Variants in TOX observed in about 807,000 individuals in gnomAD.
TOX encodes thymocyte selection associated high mobility group box.
Under a neutral mutation model 53.7 loss-of-function variants are expected in TOX, and 11 were observed. That is an observed-to-expected ratio of 0.20 (90% CI 0.13 to 0.34). The LOEUF is 0.34. Ranked by LOEUF, TOX falls within the 10% of genes least tolerant of loss-of-function variation. TOX has a pLI of 1.00. For synonymous variants in TOX, 225 were observed against 245.3 expected (o/e 0.92, Z 0.77); for missense variants, 570 against 664.6 (o/e 0.86, Z 1.56).
intron 6 of TOX, among the ~76,000 whole-genome samples, chr8:58,826,489 G>A (rs1810369267): frequency 6.6e-6 from 1 of 152,142 alleles, no homozygotes; most frequent in African/African-American, 2.4e-5. Flanking sequence ...CCTCAGTAAA[G>A]GCCAATGGCA....
At chr8:58,960,757 C>A (rs1488565025) in intron 1 of TOX, among the ~76,000 whole-genome samples, 1 of 152,194 alleles carries the variant, frequency 6.6e-6, no homozygotes, top group Non-Finnish European at 1.5e-5. Flanking sequence ...GTTCAAGCAA[C>A]AACAACAATA....
intron 5 of TOX, 36 bp from the exon 6 acceptor site, chr8:58,826,938 G>A (rs1287702651): frequency 6.3e-7 from 1 of 1,586,498 alleles, no homozygotes; most frequent in Non-Finnish European, 8.6e-7. Flanking sequence ...ATTAGAAAGT[G>A]CATTTGCTTT....
intron 1 of TOX, among the ~76,000 whole-genome samples, chr8:59,029,977 C>A (rs761232571): frequency 3.2e-4 from 48 of 152,104 alleles, no homozygotes; most frequent in Admixed American, 4.6e-4. Context: ...CTTCTGATTG[C>A]AGGAAAATGG....
chr8:59,084,340 A>G (rs1333695736), intron 1 of TOX, among the ~76,000 whole-genome samples: 2 of 152,146 alleles, frequency 1.3e-5, no homozygotes, highest in Non-Finnish European at 2.9e-5. Context: ...TTTTAGAAAA[A>G]TAAGGGAATG....
chr8:59,062,950 G>A (rs562602345), intron 1 of TOX, among the ~76,000 whole-genome samples: 2 of 152,064 alleles, frequency 1.3e-5, no homozygotes, highest in African/African-American at 4.8e-5. Flanking sequence ...TTAACAAGGA[G>A]GTAAAACTGT....
At chr8:59,002,578 A>G (rs564820399) in intron 1 of TOX, among the ~76,000 whole-genome samples, 40 of 150,260 alleles carry the variant, frequency 2.7e-4, no homozygotes, top group African/African-American at 7.5e-4. Context: ...GCAACACAGC[A>G]AGACTCCGTC....
At chr8:58,853,770 C>G (rs1426792042) in intron 3 of TOX, among the ~76,000 whole-genome samples, 1 of 152,156 alleles carries the variant, frequency 6.6e-6, no homozygotes, top group Non-Finnish European at 1.5e-5. Flanking sequence ...TGGTTGTTGC[C>G]TCTTCTTAGA....
chr8:59,033,033 C>CAAAAAAAAA (rs34575165), intron 1 of TOX, among the ~76,000 whole-genome samples: 1 of 104,740 alleles, frequency 9.5e-6, no homozygotes. Flanking sequence ...AACTCCAACT[C>CAAAAAAAAA]AAAAAAAAAA....
intron 1 of TOX, among the ~76,000 whole-genome samples, chr8:59,052,412 C>A (rs559513202): frequency 3.9e-5 from 6 of 152,078 alleles, no homozygotes; most frequent in Non-Finnish European, 7.4e-5. Context: ...GGAAATAAAT[C>A]ATATTATTTA....
At chr8:58,875,156 G>A (rs967373735) in intron 3 of TOX, among the ~76,000 whole-genome samples, 8 of 152,192 alleles carry the variant, frequency 5.3e-5, no homozygotes, top group Non-Finnish European at 8.8e-5. Flanking sequence ...CTCTCTGGTG[G>A]TGACATTTGT....
chr8:59,111,621 T>C (rs1264381827), intron 1 of TOX, among the ~76,000 whole-genome samples: 8 of 152,010 alleles, frequency 5.3e-5, no homozygotes, highest in Non-Finnish European at 1.0e-4. Context: ...CACACACCAA[T>C]GTTTCTAGCT....
In TOX at chr8:59,111,980, T is replaced by C. The variant is rs552715593; in HGVS notation, c.102+6906A>G. Reference sequence around the variant, plus strand: ...TTCATGACCTTTGATATTATAAATATATATCAGTGATGATTTTTTCATGAG... The same window carrying C: ...TTCATGACCTTTGATATTATAAATACATATCAGTGATGATTTTTTCATGAG... On this transcript the variant is annotated intron_variant, in intron 1 of 8. Transcript: ENST00000361421. Among the ~76,000 whole-genome samples the C allele has an allele frequency of 2.2e-4, 33 of 152,326 alleles. No homozygotes were observed. In the South Asian group the frequency reaches 6.8e-3, roughly 32 times the overall value.
intron 5 of TOX, among the ~76,000 whole-genome samples, chr8:58,834,192 T>A (rs1478329694): frequency 6.6e-6 from 1 of 152,202 alleles, no homozygotes; most frequent in Non-Finnish European, 1.5e-5. Flanking sequence ...CCCCAATAAG[T>A]CATCAATAAT....
chr8:58,955,977 C>T (rs62508379), intron 2 of TOX, among the ~76,000 whole-genome samples: 92,563 of 151,822 alleles, frequency 0.61, 30,009 homozygotes, highest in Non-Finnish European at 0.71. Context: ...TCAGGTGATC[C>T]GCCCACTTCG....
intron 3 of TOX, among the ~76,000 whole-genome samples, chr8:58,930,332 C>T (rs965588618): frequency 1.5e-4 from 23 of 152,182 alleles, no homozygotes; most frequent in Admixed American, 1.5e-3. Flanking sequence ...ATGGGCTGTA[C>T]ACTTATATAG....
chr8:58,837,865 A>G (rs1186513116), intron 5 of TOX, among the ~76,000 whole-genome samples: 2 of 152,238 alleles, frequency 1.3e-5, no homozygotes, highest in African/African-American at 4.8e-5. Flanking sequence ...TAAACTATAT[A>G]AACTTTGAAA....
chr8:59,063,037 A>G (rs1356587932), intron 1 of TOX, among the ~76,000 whole-genome samples: 4 of 152,200 alleles, frequency 2.6e-5, no homozygotes, highest in Non-Finnish European at 5.9e-5. Flanking sequence ...TTCAGTAAAA[A>G]TAAGCTTGCA....
intron 1 of TOX, among the ~76,000 whole-genome samples, chr8:59,060,072 AT>A (rs1803954090): frequency 6.6e-6 from 1 of 152,210 alleles, no homozygotes; most frequent in African/African-American, 2.4e-5. Context: ...CTTTGACAAA[AT>A]TCTAAAATTG....
chr8:59,003,524 G>A (rs1410130662), intron 1 of TOX, among the ~76,000 whole-genome samples: 2 of 152,164 alleles, frequency 1.3e-5, no homozygotes, highest in Admixed American at 6.5e-5. Flanking sequence ...TACAACACAA[G>A]ACTTTTTTTC....
Sources: gnomAD v4.1 joint callset for allele counts (sites outside exome capture counted in the v4.1 genomes callset) on GRCh38, gnomAD v4.1.1 for gene constraint, MANE v1.5 for transcripts, NCBI Gene and HGNC (gene_info 2026-07-23, HGNC 2026-07-21) for gene names.